Variants in SEM1 observed in about 807,000 individuals in gnomAD.
SEM1 encodes 26S proteasome complex subunit SEM1.
In SEM1, 3 loss-of-function variants were observed where a neutral mutation model predicts 12.7. That is an observed-to-expected ratio of 0.24 (90% confidence interval 0.11 to 0.61). SEM1 has a LOEUF of 0.61. Ranked by LOEUF, SEM1 falls within the 20% of genes least tolerant of loss-of-function variation. SEM1 has a pLI of 0.88. For missense variants in SEM1, 59 were observed against 81.3 expected, an observed-to-expected ratio of 0.73 and a Z score of 1.06; for synonymous variants, 30 against 27.8, an observed-to-expected ratio of 1.08 and a Z score of -0.25.
intron 2 of SEM1, among the ~76,000 whole-genome samples, chr7:96,542,545 A>G (rs1804988268): frequency 6.6e-6 from 1 of 151,876 alleles, no homozygotes; most frequent in Non-Finnish European, 1.5e-5. Flanking sequence ...TAAAATAGGA[A>G]AAAGGACACG....
At chr7:96,509,446 G>T (rs1803863282) in intron 2 of SEM1, among the ~76,000 whole-genome samples, 1 of 152,092 alleles carries the variant, frequency 6.6e-6, no homozygotes. Flanking sequence ...TTAGTTATTT[G>T]ATGTATGATG....
exon 4 of SEM1, chr7:96,483,393 G>A (rs1440481745): frequency 5.9e-6 from 1 of 168,234 alleles, no homozygotes; most frequent in African/African-American, 2.4e-5. Context: ...CACAGCAGAA[G>A]TGGAAAGACT....
At chr7:96,671,481 T>C (rs1789315559), downstream of SEM1, among the ~76,000 whole-genome samples, 1 of 152,004 alleles carries the variant, frequency 6.6e-6, no homozygotes, top group Admixed American at 6.6e-5. Flanking sequence ...TAGAATCTAA[T>C]GAGGAGGAAA....
At chr7:96,581,234 TC>T (rs1356038905) in intron 2 of SEM1, among the ~76,000 whole-genome samples, 1 of 152,186 alleles carries the variant, frequency 6.6e-6, no homozygotes, top group East Asian at 1.9e-4. Flanking sequence ...GGGAATCCTT[TC>T]CCCATTGCTT....
chr7:96,680,972 T>C (rs1426682674), intron 2 of SEM1, among the ~76,000 whole-genome samples: 1 of 152,056 alleles, frequency 6.6e-6, no homozygotes, highest in African/African-American at 2.4e-5. Flanking sequence ...ATCAAGTAGA[T>C]ACCTTAGCTT....
At chr7:96,609,502 T>C (rs1284891287) in intron 2 of SEM1, among the ~76,000 whole-genome samples, 1 of 152,224 alleles carries the variant, frequency 6.6e-6, no homozygotes, top group African/African-American at 2.4e-5. Context: ...AGATTTAAGA[T>C]AAAACTGAGG....
intron 2 of SEM1, among the ~76,000 whole-genome samples, chr7:96,603,238 T>C (rs1219848363): frequency 4.6e-5 from 7 of 152,206 alleles, no homozygotes; most frequent in Non-Finnish European, 8.8e-5. Flanking sequence ...TTTGTGCTTA[T>C]TGGTCTTAAA....
intron 2 of SEM1, among the ~76,000 whole-genome samples, chr7:96,675,597 G>C (rs1789430169): frequency 6.6e-6 from 1 of 152,080 alleles, no homozygotes; most frequent in Non-Finnish European, 1.5e-5. Flanking sequence ...CTCTCCTTGG[G>C]GATAACTCAA....
chr7:96,580,312 T>A (rs1220220139), intron 2 of SEM1, among the ~76,000 whole-genome samples: 1 of 148,030 alleles, frequency 6.8e-6, no homozygotes, highest in Non-Finnish European at 1.5e-5. Flanking sequence ...TCATTTTTTA[T>A]GGCTGCATAG....
chr7:96,528,741 AC>A (rs1447112189), intron 2 of SEM1, among the ~76,000 whole-genome samples: 7 of 152,070 alleles, frequency 4.6e-5, no homozygotes, highest in Non-Finnish European at 7.4e-5. Context: ...TTCCAGACCT[AC>A]TGATTCAGAA....
At position 96,654,341 on chromosome 7, in the gene SEM1, C is replaced by T. The variant is rs547184074; in HGVS notation, c.171-31698G>A. On this transcript the variant is annotated intron_variant, in intron 2 of 2. Coordinates refer to the SEM1 transcript ENST00000417009. ...CCCCAATAGAAAGTGTCATCCCTCT[C>T]CTAGTATAATCAAGGACTGGGATAC... is the stretch of plus-strand genomic sequence containing the variant. Among the ~76,000 whole-genome samples the T allele has an allele frequency of 1.8e-4, 27 of 152,252 alleles. 1 individual carries two copies. The highest frequency in any genetic ancestry group is 6.5e-4 in the African/African-American group (27 of 41,554).
In SEM1 at chr7:96,614,166, A is replaced by T. The variant is rs143201120; in HGVS notation, c.170+80632T>A. On this transcript the variant is annotated intron_variant and NMD_transcript_variant, in intron 2 of 3. Transcript: ENST00000466986. ...CTGTATCTACTTGAGGATCTTAAAT[A>T]TTCTTATTTTAAAGTCATATAGAGA... Among the ~76,000 whole-genome samples the T allele has an allele frequency of 4.9e-3, 747 of 152,292 alleles. 9 individuals are homozygous for T. The highest frequency in any genetic ancestry group is 0.017 in the African/African-American group (714 of 41,556).
chr7:96,700,279 C>T (rs1475880719), intron 1 of SEM1, among the ~76,000 whole-genome samples: 1 of 152,114 alleles, frequency 6.6e-6, no homozygotes, highest in Non-Finnish European at 1.5e-5. Context: ...AGAATATAAA[C>T]AATACAATTT....
At chr7:96,583,882 T>C (rs1806508144) in intron 2 of SEM1, among the ~76,000 whole-genome samples, 1 of 150,962 alleles carries the variant, frequency 6.6e-6, no homozygotes, top group Admixed American at 6.8e-5. Flanking sequence ...GTGAGATGGG[T>C]TTCCTGAATA....
chr7:96,528,238 G>T (rs1804532388), intron 2 of SEM1, among the ~76,000 whole-genome samples: 1 of 152,110 alleles, frequency 6.6e-6, no homozygotes, highest in Non-Finnish European at 1.5e-5. Flanking sequence ...CTGTCACCCA[G>T]GCTGGAGTAC....
intron 2 of SEM1, among the ~76,000 whole-genome samples, chr7:96,588,383 CACACACACACACACGAGA>C (rs1380109732): frequency 7.1e-5 from 8 of 112,692 alleles, no homozygotes; most frequent in South Asian, 6.9e-4. Flanking sequence ...CACACACACA[CACACACACACACACGAGA>C]GAGAGAGAGA....
At chr7:96,516,156 C>A (rs1027736770) in intron 2 of SEM1, among the ~76,000 whole-genome samples, 1 of 151,750 alleles carries the variant, frequency 6.6e-6, no homozygotes, top group African/African-American at 2.4e-5. Flanking sequence ...TAGAAGATAC[C>A]ATAAGAAAAA....
intron 2 of SEM1, among the ~76,000 whole-genome samples, chr7:96,561,521 C>T (rs1563061281): frequency 2.6e-5 from 4 of 152,218 alleles, no homozygotes; most frequent in African/African-American, 7.2e-5. Context: ...AACCTGCTGC[C>T]GCTTCTCACT....
At chr7:96,581,400 A>G (rs970473941) in intron 2 of SEM1, among the ~76,000 whole-genome samples, 3 of 151,868 alleles carry the variant, frequency 2.0e-5, no homozygotes, top group African/African-American at 7.3e-5. Flanking sequence ...GAAGTCAGGT[A>G]GTGTGATGCC....
Sources: gnomAD v4.1 joint callset for allele counts (sites outside exome capture counted in the v4.1 genomes callset) on GRCh38, gnomAD v4.1.1 for gene constraint, MANE v1.5 for transcripts, NCBI Gene and HGNC (gene_info 2026-07-23, HGNC 2026-07-21) for gene names.